BTRC: variants seen among roughly 807,000 people sequenced by gnomAD.
BTRC encodes beta-transducin repeat containing E3 ubiquitin protein ligase.
BTRC carries 42 observed loss-of-function variants against 85.5 expected under a neutral mutation model. The observed-to-expected ratio is 0.49, with a 90% CI of 0.38 to 0.64. BTRC has a LOEUF of 0.64. Ranked by LOEUF, BTRC falls within the 30% of genes least tolerant of loss-of-function variation. BTRC has a pLI of 0.00. For synonymous variants in BTRC, 255 were observed against 263.3 expected, an observed-to-expected ratio of 0.97 and a Z score of 0.30; for missense variants, 594 against 743.5, an observed-to-expected ratio of 0.80 and a Z score of 2.34.
intron 1 of BTRC, among the ~76,000 whole-genome samples, chr10:101,368,746 T>C (rs1320602466): frequency 6.6e-6 from 1 of 152,084 alleles, no homozygotes; most frequent in Non-Finnish European, 1.5e-5. Context: ...AGGCCGGGTA[T>C]AGTGGCTCAT....
chr10:101,495,694 A>G (rs1040917648), intron 4 of BTRC, among the ~76,000 whole-genome samples: 1 of 152,250 alleles, frequency 6.6e-6, no homozygotes, highest in African/African-American at 2.4e-5. Context: ...GGGCTAGGAC[A>G]GTCTATCTAT....
intron 4 of BTRC, among the ~76,000 whole-genome samples, chr10:101,493,629 G>A (rs567394188): frequency 7.2e-5 from 11 of 152,310 alleles, no homozygotes; most frequent in South Asian, 2.1e-4. Context: ...TTTGGAAATC[G>A]CAGAAGTATG....
chr10:101,454,518 G>A (rs1489998220), intron 2 of BTRC, among the ~76,000 whole-genome samples: 3 of 152,180 alleles, frequency 2.0e-5, no homozygotes, highest in Admixed American at 6.5e-5. Context: ...TGTGGCTCAT[G>A]CCTGTAATCC....
chr10:101,544,407 GTTT>G (rs35751151), intron 13 of BTRC, among the ~76,000 whole-genome samples: 4 of 135,354 alleles, frequency 3.0e-5, no homozygotes, highest in Admixed American at 7.4e-5. Context: ...ACTTGGGAAA[GTTT>G]TTTTTTTTTT....
At chr10:101,422,044 C>T (rs1421870514) in intron 1 of BTRC, among the ~76,000 whole-genome samples, 1 of 152,152 alleles carries the variant, frequency 6.6e-6, no homozygotes, top group Non-Finnish European at 1.5e-5. Flanking sequence ...GAGGAATTGC[C>T]ACACTGTCTT....
intron 4 of BTRC, among the ~76,000 whole-genome samples, chr10:101,502,838 ATAT>A (rs1222554141): frequency 1.3e-5 from 2 of 152,182 alleles, no homozygotes; most frequent in African/African-American, 2.4e-5. Context: ...TCTGGACATA[ATAT>A]TATTGTAAAA....
At chr10:101,468,865 A>G (rs1564791281) in intron 3 of BTRC, among the ~76,000 whole-genome samples, 1 of 152,228 alleles carries the variant, frequency 6.6e-6, no homozygotes, top group African/African-American at 2.4e-5. Flanking sequence ...TCACCTGACA[A>G]CTAAACCTTC....
chr10:101,357,310 G>A (rs544910724), intron 1 of BTRC, among the ~76,000 whole-genome samples: 57 of 150,946 alleles, frequency 3.8e-4, no homozygotes, highest in Non-Finnish European at 6.3e-4. Flanking sequence ...GCCTGGTGGC[G>A]CGCACCTGTA....
chr10:101,507,524 A>C (rs1946574039), intron 4 of BTRC, among the ~76,000 whole-genome samples: 1 of 152,206 alleles, frequency 6.6e-6, no homozygotes, highest in Non-Finnish European at 1.5e-5. Context: ...GGAGAGATGA[A>C]AGAGAGGTGT....
At chr10:101,509,743 G>A (rs1478345660) in intron 4 of BTRC, among the ~76,000 whole-genome samples, 1 of 123,208 alleles carries the variant, frequency 8.1e-6, no homozygotes, top group African/African-American at 3.3e-5. Flanking sequence ...TTTTTTTTTG[G>A]TAGAGATGGA....
chr10:101,469,082 A>G lies in BTRC; in HGVS notation c.234+7024A>G, dbSNP rs959921635. Among the ~76,000 whole-genome samples, 3 of 152,346 alleles carry G rather than the reference A, an allele frequency of 2.0e-5. No homozygotes were observed. In the South Asian group the frequency reaches 6.2e-4, roughly 32 times the overall value. Reference sequence around the variant, plus strand: ...TGCTTTATATGCGATATAAAAACGTATTAAAGTACTCCAACGCAAAACTCT... The same window carrying G: ...TGCTTTATATGCGATATAAAAACGTGTTAAAGTACTCCAACGCAAAACTCT... On this transcript the variant is annotated intron_variant, in intron 3 of 14. Transcript: ENST00000370187.
chr10:101,394,690 G>A (rs911617637), intron 1 of BTRC, among the ~76,000 whole-genome samples: 8 of 152,248 alleles, frequency 5.3e-5, no homozygotes, highest in African/African-American at 1.9e-4. Flanking sequence ...AGCAGTCGGG[G>A]CAGGGTATAA....
intron 4 of BTRC, among the ~76,000 whole-genome samples, chr10:101,511,249 C>G (rs2061949832): frequency 6.6e-6 from 1 of 152,146 alleles, no homozygotes; most frequent in Non-Finnish European, 1.5e-5. Flanking sequence ...CTGTCTTTCA[C>G]TTGAACATAC....
At chr10:101,434,980 G>A (rs937773290) in intron 2 of BTRC, among the ~76,000 whole-genome samples, 1 of 151,892 alleles carries the variant, frequency 6.6e-6, no homozygotes, top group Non-Finnish European at 1.5e-5. Context: ...ATGGGCTTAT[G>A]TACTGGTTTT....
At chr10:101,477,267 C>G (rs2134217837) in intron 3 of BTRC, among the ~76,000 whole-genome samples, 1 of 152,184 alleles carries the variant, frequency 6.6e-6, no homozygotes, top group South Asian at 2.1e-4. Context: ...CCCCAAAGTG[C>G]TGGGATTACA....
intron 2 of BTRC, among the ~76,000 whole-genome samples, chr10:101,437,266 T>C (rs1216966845): frequency 6.6e-6 from 1 of 152,202 alleles, no homozygotes; most frequent in Non-Finnish European, 1.5e-5. Flanking sequence ...ATAAAATGAA[T>C]TATTGTTTAT....
chr10:101,366,788 A>T (rs200155776), intron 1 of BTRC, among the ~76,000 whole-genome samples: 3,158 of 68,808 alleles, frequency 0.046, 339 homozygotes, highest in African/African-American at 0.11. Flanking sequence ...ATATATATAT[A>T]TTTTTACATT....
chr10:101,406,003 A>G lies in BTRC; in HGVS notation c.49-24342A>G, dbSNP rs199980484. On this transcript the variant is annotated intron_variant, in intron 1 of 14. Coordinates refer to ENST00000370187, the MANE Select transcript of BTRC (RefSeq NM_033637.4). The stretch of plus-strand genomic sequence containing the variant: ...CACTTCTTTGTTGCTTATTCTATCA[A>G]TAGCTGAGAGAGTTATGTTAGGCTC... 3.3e-5 allele frequency among the ~76,000 whole-genome samples: 5 copies of G among 152,202 alleles called. No individual in the cohort carries two copies. In the South Asian group the frequency reaches 6.2e-4, roughly 19 times the overall value.
rs192727290 is a variant in BTRC, at chr10:101,494,834, A to G, written c.324+15377A>G. 5.7e-4 allele frequency among the ~76,000 whole-genome samples: 87 copies of G among 152,326 alleles called. 1 individual carries two copies. The highest frequency in any genetic ancestry group is 2.9e-3 in the Admixed American group (44 of 15,296). On this transcript the variant is annotated intron_variant, in intron 4 of 14. Coordinates refer to ENST00000370187, the MANE Select transcript of BTRC (RefSeq NM_033637.4). ...TGTCTGGATTGCAGAGGATTACAGC[A>G]TCACATCTAAATTATACTTTCTGAT...
Sources: gnomAD v4.1 joint callset for allele counts (sites outside exome capture counted in the v4.1 genomes callset) on GRCh38, gnomAD v4.1.1 for gene constraint, MANE v1.5 for transcripts, NCBI Gene and HGNC (gene_info 2026-07-23, HGNC 2026-07-21) for gene names.